HIBCH: variants seen among roughly 807,000 people sequenced by gnomAD.
The protein encoded by HIBCH is 3-hydroxyisobutyryl-CoA hydrolase, mitochondrial.
In HIBCH, 50 loss-of-function variants were observed where a neutral mutation model predicts 58.2. The observed-to-expected ratio is 0.86, with a 90% CI of 0.68 to 1.09. The LOEUF (loss-of-function observed/expected upper bound fraction) is 1.09, where lower values mean the gene tolerates loss of function less well. Among genes scored for constraint, HIBCH ranks in the 50% least tolerant of loss-of-function variants. The probability of loss-of-function intolerance (pLI) is 0.00; values close to 1 mark genes in which losing one functional copy is unlikely to be tolerated. For synonymous variants in HIBCH, 151 were observed against 146.9 expected (o/e 1.03, Z -0.20); for missense variants, 450 against 449.7 (o/e 1.00, Z -0.01).
At chr2:190,199,080 T>C (rs1279972685), downstream of HIBCH, among the ~76,000 whole-genome samples, 3 of 152,322 alleles carry the variant, frequency 2.0e-5, no homozygotes, top group East Asian at 1.9e-4. Flanking sequence ...ACTCTTTGAG[T>C]TGTAAATATG....
chr2:190,310,605 G>A (rs2124861209), intron 2 of HIBCH, 149 bp downstream of exon 2: 3 of 730,914 alleles, frequency 4.1e-6, no homozygotes, highest in Admixed American at 3.9e-5. Context: ...CCTACAAGGT[G>A]CGTGTGCCAT....
At chr2:190,256,555 AC>A (rs1244410548) in intron 7 of HIBCH, among the ~76,000 whole-genome samples, 1 of 152,120 alleles carries the variant, frequency 6.6e-6, no homozygotes, top group Non-Finnish European at 1.5e-5. Flanking sequence ...TTAAAAGAAT[AC>A]AAAAATATCC....
intron 11 of HIBCH, among the ~76,000 whole-genome samples, chr2:190,224,075 C>G (rs142041813): frequency 2.5e-4 from 38 of 152,184 alleles, no homozygotes; most frequent in African/African-American, 8.9e-4. Flanking sequence ...ACTTTTCCAA[C>G]GGTCTTAGCA....
chr2:190,239,350 G>A (rs1335610111), intron 11 of HIBCH, among the ~76,000 whole-genome samples: 3 of 152,172 alleles, frequency 2.0e-5, no homozygotes, highest in Non-Finnish European at 2.9e-5. Flanking sequence ...ACTATACCAT[G>A]CTGTTTTGGT....
intron 9 of HIBCH, among the ~76,000 whole-genome samples, chr2:190,247,767 A>C (rs1686652079): frequency 6.6e-6 from 1 of 152,218 alleles, no homozygotes; most frequent in Admixed American, 6.5e-5. Context: ...GTAGCCATCA[A>C]CATCTAGGCA....
intron 7 of HIBCH, among the ~76,000 whole-genome samples, chr2:190,259,426 T>C (rs1419747336): frequency 6.6e-6 from 1 of 150,806 alleles, no homozygotes; most frequent in Non-Finnish European, 1.5e-5. Flanking sequence ...TGGCATGATC[T>C]CAGCTCACTG....
In HIBCH at chr2:190,207,445, T is replaced by C. The variant is rs1277812680; in HGVS notation, c.1045+1435A>G. Among the ~76,000 whole-genome samples the C allele has an allele frequency of 1.3e-5, 2 of 152,220 alleles. No homozygotes were observed. The highest frequency in any genetic ancestry group is 2.4e-5 in the African/African-American group (1 of 41,458). On this transcript the variant is annotated intron_variant, in intron 13 of 13. Coordinates refer to ENST00000359678, the MANE Select transcript of HIBCH (RefSeq NM_014362.4). The surrounding 1 kb of genome is among the most constrained non-coding windows in gnomAD (Gnocchi z 4.5). ...GCCATCTCCTCTGATCAGCTCCATGTGCTGAATACTAAAAAGATTTCAATC... is the reference window on the plus strand; with the variant it reads ...GCCATCTCCTCTGATCAGCTCCATGCGCTGAATACTAAAAAGATTTCAATC...
rs368260986 is a variant in HIBCH at position 190,310,768 on chromosome 2, T to C, written c.64A>G (p.Ile22Val). 3 of 1,609,782 alleles carry C rather than the reference T, an allele frequency of 1.9e-6. No individual in the cohort carries two copies. Among genetic ancestry groups the C allele is most frequent in the African/African-American group, 1.3e-5 (1 of 74,848 alleles). Residue 22 changes from isoleucine (I) to valine (V), a missense_variant, in exon 2 of 14, where the codon ATA (isoleucine) becomes GTA (valine). By Grantham distance (29) the Ile-to-Val change is conservative (BLOSUM62 3). Coordinates refer to ENST00000359678, the MANE Select transcript of HIBCH (RefSeq NM_014362.4). ...RFNAFKRTNT[I>V]LHHLRMSKHT... is the part of the protein sequence containing the mutation. ...CAATAACTTACCAAATGGTGCAGTATGGTATTAGTCCTTTTGAATGCATTA... is the reference window on the plus strand; with the variant it reads ...CAATAACTTACCAAATGGTGCAGTACGGTATTAGTCCTTTTGAATGCATTA...
chr2:190,291,365 A>T (rs113596815), intron 4 of HIBCH, among the ~76,000 whole-genome samples: 419 of 152,246 alleles, frequency 2.8e-3, no homozygotes, highest in African/African-American at 9.7e-3. Flanking sequence ...GGAGCAGGAG[A>T]TGTGTAATTA....
chr2:190,237,829 T>TA (rs1161985281), intron 11 of HIBCH, among the ~76,000 whole-genome samples: 1 of 151,814 alleles, frequency 6.6e-6, no homozygotes, highest in African/African-American at 2.4e-5. Flanking sequence ...CTTTGCCCCC[T>TA]ACCCTGATGG....
At chr2:190,289,645 G>A (rs1324016698) in intron 5 of HIBCH, among the ~76,000 whole-genome samples, 1 of 152,002 alleles carries the variant, frequency 6.6e-6, no homozygotes, top group Non-Finnish European at 1.5e-5. Flanking sequence ...ATTGACGTCT[G>A]TTAATTCTGG....
chr2:190,246,059 C>A, intron 10 of HIBCH, 95 bp downstream of exon 10: 4 of 687,722 alleles, frequency 5.8e-6, no homozygotes, highest in Non-Finnish European at 7.8e-6. Flanking sequence ...CACTATCAAA[C>A]ACAATGTAAT....
Position 190,204,001 on chromosome 2 carries a change from T to C in HIBCH, c.*1116A>G, listed in dbSNP as rs1690327259. 2.0e-5 allele frequency: 3 copies of C among 152,076 alleles called. No individual in the cohort carries two copies. Among genetic ancestry groups the C allele is most frequent in the Admixed American group, 6.6e-5 (1 of 15,264 alleles). The allele number at this position is 152,076 out of a possible 1,614,324, so 9.4% of individuals were successfully genotyped here. A position where few individuals can be genotyped will look rare whatever the true frequency, so the allele number is the denominator to read the frequency against. On this transcript the variant is annotated 3_prime_UTR_variant, in exon 14 of 14. Coordinates refer to ENST00000359678, the MANE Select transcript of HIBCH (RefSeq NM_014362.4). ...AAATTTTGTTTGTTAATTTATAAAC[T>C]TACCTTTAAAATTAAACAAAAATTA...
At chr2:190,247,229 G>A (rs2664277) in intron 9 of HIBCH, among the ~76,000 whole-genome samples, 45,153 of 151,842 alleles carry the variant, frequency 0.3, 7,510 homozygotes, top group East Asian at 0.45. Flanking sequence ...TGATCAAAAC[G>A]CTATCAGTGG....
intron 2 of HIBCH, among the ~76,000 whole-genome samples, chr2:190,302,335 T>A (rs1371878635): frequency 6.6e-6 from 1 of 152,182 alleles, no homozygotes; most frequent in Non-Finnish European, 1.5e-5. Flanking sequence ...GCATGTATAG[T>A]AAGCTAACAT....
chr2:190,276,765 T>C (rs1687563856), intron 6 of HIBCH, among the ~76,000 whole-genome samples: 1 of 152,178 alleles, frequency 6.6e-6, no homozygotes, highest in Non-Finnish European at 1.5e-5. Context: ...CCTCAGGTAT[T>C]CTTCTATAGG....
intron 6 of HIBCH, among the ~76,000 whole-genome samples, chr2:190,263,250 C>T (rs1175521842): frequency 6.6e-6 from 1 of 152,118 alleles, no homozygotes; most frequent in South Asian, 2.1e-4. Context: ...TTCCAACTCT[C>T]CTCAAATCTC....
chr2:190,291,514 G>A (rs542619790), intron 4 of HIBCH, among the ~76,000 whole-genome samples: 1 of 152,256 alleles, frequency 6.6e-6, no homozygotes, highest in East Asian at 1.9e-4. Context: ...CAAGAAAGAA[G>A]AGTAAAATCA....
rs754333620 is a variant in HIBCH, at chr2:190,281,924, A to C, written c.438+5662T>G. On this transcript the variant is annotated intron_variant, in intron 6 of 13. Transcript: ENST00000359678. This position sits in a 1 kb window ranked among gnomAD's most constrained non-coding sequence, Gnocchi z 5.4. The stretch of plus-strand genomic sequence containing the variant: ...TTATTACAAGGATGCTCTTTACTCC[A>C]ATATCTTGTTCCTCATTTTCATCCG... 6.6e-6 allele frequency among the ~76,000 whole-genome samples: 1 copy of C among 152,158 alleles called. No homozygotes were observed. The highest frequency in any genetic ancestry group is 2.4e-5 in the African/African-American group (1 of 41,446).
Sources: allele counts gnomAD v4.1 joint callset (sites outside exome capture counted in the v4.1 genomes callset), GRCh38; gene constraint gnomAD v4.1.1; non-coding constraint Gnocchi (gnomAD v3.1); transcripts MANE v1.5; gene names NCBI Gene and HGNC (gene_info 2026-07-23, HGNC 2026-07-21).